The following DCC variants were observed in gnomAD, a reference collection of about 807,000 sequenced individuals.
DCC encodes DCC netrin 1 receptor.
In DCC, 58 loss-of-function variants were observed where a neutral mutation model predicts 172.5. The ratio of observed to expected loss-of-function variants is 0.34; its 90% confidence interval spans 0.27 to 0.42. The LOEUF (loss-of-function observed/expected upper bound fraction) is 0.42, where lower values mean the gene tolerates loss of function less well. Ranked by LOEUF, DCC falls within the 10% of genes least tolerant of loss-of-function variation. The probability of loss-of-function intolerance (pLI) is 1.00; values close to 1 mark genes in which losing one functional copy is unlikely to be tolerated. For missense variants in DCC, 1,740 were observed against 1,791.0 expected (o/e 0.97, Z 0.51); for synonymous variants, 709 against 644.5 (o/e 1.10, Z -1.52).
chr18:52,729,937 T>C (rs1415783895), intron 1 of DCC, among the ~76,000 whole-genome samples: 1 of 152,196 alleles, frequency 6.6e-6, no homozygotes, highest in Non-Finnish European at 1.5e-5. Flanking sequence ...ACAATCAGGA[T>C]GAAATCATCA....
intron 19 of DCC, among the ~76,000 whole-genome samples, chr18:53,404,221 CAGAA>C (rs1482224573): frequency 2.6e-5 from 4 of 151,856 alleles, no homozygotes; most frequent in African/African-American, 4.8e-5. Flanking sequence ...GAGAAAAAAA[CAGAA>C]AGCTGTCTAA....
chr18:52,973,719 T>C (rs2041067066), intron 5 of DCC, among the ~76,000 whole-genome samples: 1 of 152,196 alleles, frequency 6.6e-6, no homozygotes, highest in Non-Finnish European at 1.5e-5. Context: ...ACAGAAGAAA[T>C]TCCCAAGAGG....
At chr18:53,257,118 A>C (rs1221150181) in intron 12 of DCC, among the ~76,000 whole-genome samples, 1 of 152,168 alleles carries the variant, frequency 6.6e-6, no homozygotes, top group Non-Finnish European at 1.5e-5. Flanking sequence ...TTGGGCTGAG[A>C]CAATGGGGTT....
chr18:53,285,004 G>A (rs1319888146), intron 12 of DCC, among the ~76,000 whole-genome samples: 1 of 152,106 alleles, frequency 6.6e-6, no homozygotes, highest in Non-Finnish European at 1.5e-5. Flanking sequence ...AAATTTCTAA[G>A]CAGCAAAGCA....
chr18:53,284,392 G>A (rs144885959), intron 12 of DCC, among the ~76,000 whole-genome samples: 133 of 152,198 alleles, frequency 8.7e-4, no homozygotes, highest in African/African-American at 3.0e-3. Context: ...GGTCTTTCCC[G>A]TGCTGTTTTT....
intron 1 of DCC, among the ~76,000 whole-genome samples, chr18:52,549,436 TG>T (rs534113838): frequency 7.9e-4 from 120 of 152,198 alleles, no homozygotes; most frequent in African/African-American, 2.6e-3. Context: ...GTCCACTTTT[TG>T]CTCATAAGCA....
chr18:53,041,647 C>T (rs2042170323), intron 5 of DCC, among the ~76,000 whole-genome samples: 1 of 152,084 alleles, frequency 6.6e-6, no homozygotes, highest in Non-Finnish European at 1.5e-5. Flanking sequence ...TATCCATGAG[C>T]ATGGACTATT....
chr18:52,695,688 T>A (rs2036000761), intron 1 of DCC, among the ~76,000 whole-genome samples: 1 of 152,192 alleles, frequency 6.6e-6, no homozygotes, highest in Non-Finnish European at 1.5e-5. Flanking sequence ...GGAAGATGGA[T>A]AACTGGGGAG....
chr18:52,458,294 G>A (rs1260161206), intron 1 of DCC, among the ~76,000 whole-genome samples: 1 of 152,064 alleles, frequency 6.6e-6, no homozygotes, highest in East Asian at 1.9e-4. Context: ...TGATCCTTCA[G>A]CCTTCTGATT....
At chr18:52,589,389 A>G (rs2033748040) in intron 1 of DCC, among the ~76,000 whole-genome samples, 1 of 152,246 alleles carries the variant, frequency 6.6e-6, no homozygotes, top group South Asian at 2.1e-4. Flanking sequence ...AAATAACCTA[A>G]GTATATCCAA....
chr18:52,915,308 G>C (rs1478568658), intron 3 of DCC, among the ~76,000 whole-genome samples: 1 of 152,050 alleles, frequency 6.6e-6, no homozygotes, highest in Non-Finnish European at 1.5e-5. Flanking sequence ...TAAAATAATT[G>C]TAAGGAGTGT....
chr18:53,412,067 A>C (rs1040872352), intron 20 of DCC, among the ~76,000 whole-genome samples: 3 of 152,162 alleles, frequency 2.0e-5, no homozygotes, highest in African/African-American at 7.2e-5. Flanking sequence ...TAAGATTTGC[A>C]GGCCCACATT....
At chr18:53,179,511 C>G (rs981806896) in intron 9 of DCC, among the ~76,000 whole-genome samples, 3 of 152,180 alleles carry the variant, frequency 2.0e-5, no homozygotes, top group Admixed American at 2.0e-4. Context: ...CATACAATTT[C>G]TAAATCCAGG....
At chr18:53,081,468 T>A (rs1377150420) in intron 7 of DCC, among the ~76,000 whole-genome samples, 2 of 151,742 alleles carry the variant, frequency 1.3e-5, no homozygotes, top group African/African-American at 4.8e-5. Flanking sequence ...GGGAAAGCAG[T>A]CTCTATTGGG....
intron 15 of DCC, among the ~76,000 whole-genome samples, chr18:53,342,821 T>A (rs963977566): frequency 2.4e-5 from 3 of 123,026 alleles, no homozygotes; most frequent in African/African-American, 7.8e-5. Context: ...GTTTAAATTA[T>A]GCATATATAT....
intron 2 of DCC, among the ~76,000 whole-genome samples, chr18:52,774,601 C>T (rs777511432): frequency 5.9e-5 from 9 of 152,176 alleles, no homozygotes; most frequent in African/African-American, 1.4e-4. Flanking sequence ...GCAAAGGTTC[C>T]CTTGTTCCCC....
At chr18:53,297,173 C>T (rs2144761896) in intron 12 of DCC, among the ~76,000 whole-genome samples, 1 of 152,250 alleles carries the variant, frequency 6.6e-6, no homozygotes, top group Non-Finnish European at 1.5e-5. Flanking sequence ...TGTACGTCTA[C>T]AGTGGAGAAA....
At chr18:52,963,121 TA>T (rs201071419) in intron 5 of DCC, among the ~76,000 whole-genome samples, 13 of 151,212 alleles carry the variant, frequency 8.6e-5, no homozygotes, top group Admixed American at 2.0e-4. Flanking sequence ...ATTAAAAAAA[TA>T]AAAAAAAGTG....
intron 1 of DCC, among the ~76,000 whole-genome samples, chr18:52,481,270 G>GA (rs1555687544): frequency 1.1e-4 from 17 of 152,050 alleles, no homozygotes; most frequent in Admixed American, 2.0e-4. Context: ...GTGCCAGCCT[G>GA]GCGCATGTGG....
Sources: gnomAD v4.1 joint callset for allele counts (sites outside exome capture counted in the v4.1 genomes callset) on GRCh38, gnomAD v4.1.1 for gene constraint, MANE v1.5 for transcripts, NCBI Gene and HGNC (gene_info 2026-07-23, HGNC 2026-07-21) for gene names.